The following VAC14 variants were observed in gnomAD, a reference collection of about 807,000 sequenced individuals.
The protein encoded by VAC14 is protein VAC14 homolog.
A neutral mutation model predicts 85.3 loss-of-function variants in VAC14; 47 were observed. The ratio of observed to expected loss-of-function variants is 0.55; its 90% CI spans 0.44 to 0.70. The LOEUF is 0.70. Among genes scored for constraint, VAC14 ranks in the 30% least tolerant of loss-of-function variants. The pLI is 0.00. For missense variants in VAC14, 861 were observed against 1,004.3 expected (o/e 0.86, Z 1.93); for synonymous variants, 447 against 430.5 (o/e 1.04, Z -0.47).
intron 13 of VAC14, among the ~76,000 whole-genome samples, chr16:70,742,261 G>C (rs866042250): frequency 2.6e-5 from 4 of 152,164 alleles, no homozygotes; most frequent in Admixed American, 6.5e-5. Flanking sequence ...CCTTTGCCCA[G>C]GCCTCCTCCC....
chr16:70,769,383 G>A (rs78984241), intron 10 of VAC14: 9,239 of 152,648 alleles, frequency 0.061, 292 homozygotes, highest in Middle Eastern at 0.12. Flanking sequence ...AACTCTGCAC[G>A]ATCCCACCCG....
intron 12 of VAC14, among the ~76,000 whole-genome samples, chr16:70,753,937 C>A (rs1197883278): frequency 6.6e-6 from 1 of 152,160 alleles, no homozygotes; most frequent in Non-Finnish European, 1.5e-5. Flanking sequence ...CCTCCTACCC[C>A]AGAGGCCCTG....
chr16:70,729,474 C>T (rs1187487801), intron 14 of VAC14, among the ~76,000 whole-genome samples: 5 of 152,134 alleles, frequency 3.3e-5, no homozygotes, highest in Non-Finnish European at 5.9e-5. Flanking sequence ...ACCTCAGCTC[C>T]TGAGCTGGCC....
At chr16:70,736,558 G>C (rs1217615358) in intron 13 of VAC14, among the ~76,000 whole-genome samples, 3 of 152,188 alleles carry the variant, frequency 2.0e-5, no homozygotes, top group African/African-American at 7.2e-5. Flanking sequence ...GAGAAGGGCT[G>C]GGCTGCTCTG....
At chr16:70,789,477 G>A (rs956067113) in intron 1 of VAC14, among the ~76,000 whole-genome samples, 3 of 152,186 alleles carry the variant, frequency 2.0e-5, no homozygotes, top group South Asian at 2.1e-4. Flanking sequence ...GGGTTAAAGG[G>A]AGGTGCGCAC....
chr16:70,780,672 T>C, intron 9 of VAC14, 118 bp downstream of exon 9: 1 of 1,295,946 alleles, frequency 7.7e-7, no homozygotes, highest in Non-Finnish European at 1.1e-6. Context: ...TACAATTGTG[T>C]GAGTGACATA....
At chr16:70,726,572 A>G (rs1337222554) in intron 14 of VAC14, among the ~76,000 whole-genome samples, 4 of 152,246 alleles carry the variant, frequency 2.6e-5, no homozygotes, top group Non-Finnish European at 5.9e-5. Flanking sequence ...CAGACAAAGC[A>G]GAAAGGCCTT....
At chr16:70,742,842 C>G (rs1235671341) in intron 13 of VAC14, among the ~76,000 whole-genome samples, 2 of 152,264 alleles carry the variant, frequency 1.3e-5, no homozygotes, top group Non-Finnish European at 2.9e-5. Context: ...ACACGTGAGG[C>G]TGCATCAAAG....
At chr16:70,785,542 C>T (rs1363075519) in intron 3 of VAC14, among the ~76,000 whole-genome samples, 160 bp downstream of exon 3, 2 of 152,224 alleles carry the variant, frequency 1.3e-5, no homozygotes, top group African/African-American at 2.4e-5. Flanking sequence ...AATGCAAGTC[C>T]ATTAAAAATG....
chr16:70,795,496 A>T (rs1229931653), intron 1 of VAC14, among the ~76,000 whole-genome samples: 1 of 96,512 alleles, frequency 1.0e-5, no homozygotes, highest in Admixed American at 1.1e-4. Flanking sequence ...ACTCTGTCTA[A>T]AAAAAAAAAA....
intron 10 of VAC14, chr16:70,769,114 C>G (rs1328732029): frequency 1.0e-5 from 2 of 193,798 alleles, no homozygotes; most frequent in Non-Finnish European, 2.1e-5. Flanking sequence ...CCGTGCCCAG[C>G]TGTGGATGTG....
chr16:70,721,292 G>A (rs562062059), intron 14 of VAC14, among the ~76,000 whole-genome samples: 1 of 152,294 alleles, frequency 6.6e-6, no homozygotes, highest in East Asian at 1.9e-4. Flanking sequence ...GAGTCAGTGG[G>A]AGCCATCCTG....
At chr16:70,780,739 G>A (rs1024041819) in intron 9 of VAC14, 51 bp downstream of exon 9, 1 of 1,524,790 alleles carries the variant, frequency 6.6e-7, no homozygotes, top group Non-Finnish European at 8.8e-7. Flanking sequence ...ATGACATCTG[G>A]CTCCCTGGGC....
chr16:70,783,357 C>T, intron 6 of VAC14, 88 bp downstream of exon 6: 1 of 1,361,696 alleles, frequency 7.3e-7, no homozygotes, highest in Non-Finnish European at 1.0e-6. Flanking sequence ...TCCTGCCCTC[C>T]TGCCGCGGCC....
Position 70,783,157 on chromosome 16 carries a change from A to G in VAC14, c.705-18T>C, listed in dbSNP as rs145873892. 5.0e-6 allele frequency: 8 copies of G among 1,611,726 alleles called. No homozygotes were observed. The highest frequency in any genetic ancestry group is 4.0e-5 in the African/African-American group (3 of 75,012). ...CCTCACACCTATGAACAAGAACAGG[A>G]AAGTGGAAACAGCGAGGGTCAGCCA... On this transcript the variant is annotated intron_variant, in intron 6 of 18. Coordinates refer to ENST00000261776, the MANE Select transcript of VAC14 (RefSeq NM_018052.5).
chr16:70,718,720 G>A (rs1311751379), intron 14 of VAC14, among the ~76,000 whole-genome samples: 1 of 152,052 alleles, frequency 6.6e-6, no homozygotes, highest in Non-Finnish European at 1.5e-5. Context: ...TCCACGTGGG[G>A]TTCTGTTAGG....
chr16:70,700,898 C>T (rs1331520311), intron 14 of VAC14, among the ~76,000 whole-genome samples: 1 of 152,198 alleles, frequency 6.6e-6, no homozygotes, highest in African/African-American at 2.4e-5. Flanking sequence ...TCCAGGGATC[C>T]AGGCCGGCAG....
At chr16:70,705,363 G>A (rs1366458441) in intron 14 of VAC14, among the ~76,000 whole-genome samples, 2 of 152,274 alleles carry the variant, frequency 1.3e-5, no homozygotes, top group Non-Finnish European at 2.9e-5. Flanking sequence ...CCTTCTGCCA[G>A]CACTGGCCTG....
chr16:70,728,771 C>T (rs1038303612), intron 14 of VAC14, among the ~76,000 whole-genome samples: 6 of 152,264 alleles, frequency 3.9e-5, no homozygotes, highest in African/African-American at 1.4e-4. Flanking sequence ...GCTATAGATT[C>T]CTCCTCCAAA....
Sources: gnomAD v4.1 joint callset for allele counts (sites outside exome capture counted in the v4.1 genomes callset) on GRCh38, gnomAD v4.1.1 for gene constraint, MANE v1.5 for transcripts, NCBI Gene and HGNC (gene_info 2026-07-23, HGNC 2026-07-21) for gene names.